PTCH1: variants seen among roughly 807,000 people sequenced by gnomAD.
PTCH1 encodes protein patched homolog 1.
Under a neutral mutation model 144.6 loss-of-function variants are expected in PTCH1, and 14 were observed. The ratio of observed to expected loss-of-function variants is 0.10; its 90% CI spans 0.06 to 0.15. The LOEUF (loss-of-function observed/expected upper bound fraction) is 0.15. PTCH1 is among the 10% of genes least tolerant of loss of function. PTCH1 has a pLI of 1.00. For missense variants in PTCH1, 1,623 were observed against 1,948.3 expected, an observed-to-expected ratio of 0.83 and a Z score of 3.14; for synonymous variants, 833 against 793.6, an observed-to-expected ratio of 1.05 and a Z score of -0.83.
At chr9:95,490,054 G>A (rs527328151) in intron 2 of PTCH1, among the ~76,000 whole-genome samples, 25 of 151,664 alleles carry the variant, frequency 1.6e-4, no homozygotes, top group Admixed American at 3.9e-4. Context: ...CGCCCACCTC[G>A]GCCTCCCAAA....
Position 95,506,336 on chromosome 9 carries a change from T to C in PTCH1, c.394+71A>G, listed in dbSNP as rs554272795. On this transcript the variant is annotated intron_variant, in intron 2 of 23. Transcript: ENST00000331920. Reference sequence around the variant, plus strand: ...CCGCAGCCAGGCTCTAGGTGTGCGCTGGCGAATATCTCTATCAACCGCGAG... The same window carrying C: ...CCGCAGCCAGGCTCTAGGTGTGCGCCGGCGAATATCTCTATCAACCGCGAG... 1,541 of 1,527,834 alleles carry C rather than the reference T, an allele frequency of 1.0e-3. 13 individuals are homozygous for C. In the African/African-American group the frequency reaches 0.018, roughly 18 times the overall value. 94.6% of individuals were successfully genotyped at this position (1,527,834 alleles called of 1,614,324 possible).
At position 95,480,488 on chromosome 9, in the gene PTCH1, T is replaced by A. The variant is rs1588610162; in HGVS notation, c.847A>T (p.Asn283Tyr). 3 of 1,612,938 alleles carry A rather than the reference T, an allele frequency of 1.9e-6. No homozygotes were observed. The highest frequency in any genetic ancestry group is 2.5e-6 in the Non-Finnish European group (3 of 1,179,900). The change falls in exon 6 of 24, where the codon AAT becomes TAT. Residue 283 changes from asparagine (N) to tyrosine (Y), a missense_variant. Asn to Tyr is a moderately radical substitution (Grantham distance 143, BLOSUM62 -2). Around this residue, in one of 7 missense-constraint regions of PTCH1, gnomAD observed 230 missense variants for 271.0 expected, o/e 0.85. Coordinates refer to ENST00000331920, the MANE Select transcript of PTCH1 (RefSeq NM_000264.5). ...YQVDSWEEML[N>Y]KAEVGHGYMD... ...TAACCATGACCAACCTCAGCCTTAT[T>A]CAGCATTTCCTCCCAGCTGTCCACT...
chr9:95,512,063 G>A (rs1587706809), upstream of PTCH1, among the ~76,000 whole-genome samples: 1 of 152,202 alleles, frequency 6.6e-6, no homozygotes, highest in Non-Finnish European at 1.5e-5. Flanking sequence ...GAAATGGTAA[G>A]CTGTGTGCCC....
At chr9:95,467,548 G>A in intron 14 of PTCH1, 123 bp from the exon 15 acceptor site, 1 of 950,800 alleles carries the variant, frequency 1.1e-6, no homozygotes, top group South Asian at 1.4e-5. Context: ...TATCTTGTAG[G>A]GGTTGTTCTC....
intron 12 of PTCH1, among the ~76,000 whole-genome samples, chr9:95,473,294 C>T (rs978154107): frequency 5.9e-5 from 9 of 152,150 alleles, no homozygotes; most frequent in East Asian, 1.9e-4. Context: ...CTGAAGGTAA[C>T]GCAGGTTTAC....
intron 15 of PTCH1, 136 bp from the exon 16 acceptor site, chr9:95,462,134 C>A: frequency 9.8e-7 from 1 of 1,019,590 alleles, no homozygotes; most frequent in Non-Finnish European, 1.5e-6. Context: ...CTGTGTCCCA[C>A]ATCCACTTTG....
At position 95,469,085 on chromosome 9, in the gene PTCH1, T is replaced by A. The variant is rs2118054380; in HGVS notation, c.1916A>T (p.Tyr639Phe). Reference protein sequence around the residue: ...AYTDTHDNTRYSPPPPYSSHS... With the variant: ...AYTDTHDNTRFSPPPPYSSHS... ...GCTGCTGTAGGGAGGTGGGGGGCTG[T>A]AGCGGGTATTGTCGTGTGTGTCGGT... The change falls in exon 14 of 24, where the codon TAC (tyrosine) becomes TTC (phenylalanine). Residue 639 changes from tyrosine to phenylalanine, a missense_variant. Tyr to Phe is a conservative substitution (Grantham distance 22). Around this residue, in one of 7 missense-constraint regions of PTCH1, gnomAD observed 179 missense variants for 165.7 expected, o/e 1.08. Transcript: ENST00000331920. The A allele has an allele frequency of 6.2e-7, 1 of 1,613,954 alleles. No homozygotes were observed. The highest frequency in any genetic ancestry group is 1.1e-5 in the South Asian group (1 of 91,054).
chr9:95,467,443 C>T lies in PTCH1; in HGVS notation c.2251-18G>A, dbSNP rs777219377. ...ACCACTACCTGGAACAGAAGAGGCA[C>T]AAGGTCAGACCCCAGGGAGCACCAC... is the stretch of plus-strand genomic sequence containing the variant. On this transcript the variant is annotated intron_variant, in intron 14 of 23. Coordinates refer to ENST00000331920, the MANE Select transcript of PTCH1 (RefSeq NM_000264.5). 1.9e-6 allele frequency: 3 copies of T among 1,612,494 alleles called. No individual in the cohort carries two copies. Among genetic ancestry groups the T allele is most frequent in the Non-Finnish European group, 2.5e-6 (3 of 1,179,402 alleles).
intron 15 of PTCH1, among the ~76,000 whole-genome samples, chr9:95,464,045 A>G (rs1839781392): frequency 6.6e-6 from 1 of 152,238 alleles, no homozygotes; most frequent in Non-Finnish European, 1.5e-5. Context: ...ACAAAGGAAG[A>G]AAGATCCTAT....
intron 12 of PTCH1, among the ~76,000 whole-genome samples, chr9:95,471,795 T>C (rs1424924036): frequency 2.6e-5 from 4 of 152,108 alleles, no homozygotes; most frequent in African/African-American, 4.8e-5. Context: ...ATCCCAGCAC[T>C]GTGGGAGGCC....
At chr9:95,469,464 C>CA (rs1297967701) in intron 13 of PTCH1, among the ~76,000 whole-genome samples, 1 of 152,178 alleles carries the variant, frequency 6.6e-6, no homozygotes, top group Non-Finnish European at 1.5e-5. Flanking sequence ...AAACCACCAT[C>CA]AAAGGACTAT....
chr9:95,489,202 C>A (rs1842201479), intron 2 of PTCH1, among the ~76,000 whole-genome samples: 1 of 152,214 alleles, frequency 6.6e-6, no homozygotes, highest in African/African-American at 2.4e-5. Flanking sequence ...TCCTAAATCA[C>A]TGCTGAATGA....
At chr9:95,507,298 A>G (rs953248323) in intron 1 of PTCH1, 3 of 985,378 alleles carry the variant, frequency 3.0e-6, no homozygotes, top group Non-Finnish European at 3.6e-6. Context: ...TTCTGGTTAA[A>G]CGTAAAAAAC....
At chr9:95,484,090 T>C (rs1232896475) in intron 3 of PTCH1, 1 of 152,208 alleles carries the variant, frequency 6.6e-6, no homozygotes, top group Non-Finnish European at 1.5e-5. Flanking sequence ...CCATCTCAGC[T>C]TAAGAGTGTA....
In PTCH1 at chr9:95,445,445, ATGT is replaced by A. The variant is rs1229531882; in HGVS notation, c.*945_*947del. 4 of 152,204 alleles carry A rather than the reference ATGT, an allele frequency of 2.6e-5. No homozygotes were observed. Among genetic ancestry groups the A allele is most frequent in the Non-Finnish European group, 4.4e-5 (3 of 68,076 alleles). 9.4% of individuals were successfully genotyped at this position (152,204 alleles called of 1,614,324 possible). On this transcript the variant is annotated 3_prime_UTR_variant, in exon 24 of 24. Coordinates refer to ENST00000331920, the MANE Select transcript of PTCH1 (RefSeq NM_000264.5). ...CTCTAACACCCACCATGATGAACTG[ATGT>A]GAGCTCCATACCCTGAGGTTCCAGC...
chr9:95,515,918 G>C (rs1465712687), intron 1 of PTCH1, among the ~76,000 whole-genome samples: 1 of 152,040 alleles, frequency 6.6e-6, no homozygotes, highest in Non-Finnish European at 1.5e-5. Context: ...TGCGGGGCGC[G>C]AGCGTGCCCT....
At chr9:95,492,517 A>G (rs1842483401) in intron 2 of PTCH1, among the ~76,000 whole-genome samples, 1 of 152,174 alleles carries the variant, frequency 6.6e-6, no homozygotes, top group Non-Finnish European at 1.5e-5. Flanking sequence ...ATCTTAAAAT[A>G]TCGTATAAAA....
chr9:95,485,612 G>C (rs1043424674), intron 3 of PTCH1, 73 bp downstream of exon 3: 1 of 1,566,428 alleles, frequency 6.4e-7, no homozygotes, highest in South Asian at 1.1e-5. Context: ...CTAAAATAAC[G>C]GGGCCTAAAC....
At chr9:95,510,530 G>A (rs1351011154), upstream of PTCH1, among the ~76,000 whole-genome samples, 1 of 152,132 alleles carries the variant, frequency 6.6e-6, no homozygotes, top group Non-Finnish European at 1.5e-5. Context: ...TTTTCGGAAA[G>A]TGGAATGTGT....
Sources: allele counts gnomAD v4.1 joint callset (sites outside exome capture counted in the v4.1 genomes callset), GRCh38; gene constraint gnomAD v4.1.1; regional missense constraint gnomAD v4.1.1; transcripts MANE v1.5; gene names NCBI Gene and HGNC (gene_info 2026-07-23, HGNC 2026-07-21).